Variants in CCSER1 observed in about 807,000 individuals in gnomAD.
CCSER1 encodes the protein serine-rich coiled-coil domain-containing protein 1.
Under a neutral mutation model 82.0 loss-of-function variants are expected in CCSER1, and 41 were observed. The ratio of observed to expected loss-of-function variants is 0.50; its 90% CI spans 0.39 to 0.65. CCSER1 has a LOEUF of 0.65. Among genes scored for constraint, CCSER1 ranks in the 30% least tolerant of loss-of-function variants. CCSER1 has a pLI of 0.00. For missense variants in CCSER1, 1,119 were observed against 1,064.2 expected, an observed-to-expected ratio of 1.05 and a Z score of -0.72; for synonymous variants, 414 against 383.9, an observed-to-expected ratio of 1.08 and a Z score of -0.92.
At chr4:91,448,283 CATT>C (rs1755682471) in intron 10 of CCSER1, among the ~76,000 whole-genome samples, 1 of 152,080 alleles carries the variant, frequency 6.6e-6, no homozygotes, top group South Asian at 2.1e-4. Flanking sequence ...AGCACACACA[CATT>C]ATTCTTCACA....
At chr4:91,507,160 T>C (rs541142832) in intron 10 of CCSER1, among the ~76,000 whole-genome samples, 1 of 152,178 alleles carries the variant, frequency 6.6e-6, no homozygotes, top group Non-Finnish European at 1.5e-5. Context: ...TAGAAATCCA[T>C]GATCACATGG....
rs375826026 is a variant in CCSER1 at position 90,436,190 on chromosome 4, A to T, written c.1604-32044A>T. Among the ~76,000 whole-genome samples the T allele has an allele frequency of 3.9e-4, 60 of 152,276 alleles. No individual in the cohort carries two copies. The East Asian group carries it at 4.0e-3, about 10-fold the overall frequency. ...TAGGGTTGTGTTTTTACTTAGGTAT[A>T]CTAGCATAATCAGTTATATTTAAGT... On this transcript the variant is annotated intron_variant, in intron 4 of 10. Transcript: ENST00000509176.
chr4:91,204,633 T>G (rs542087076), intron 10 of CCSER1, among the ~76,000 whole-genome samples: 8 of 151,650 alleles, frequency 5.3e-5, no homozygotes, highest in Non-Finnish European at 8.9e-5. Context: ...TGCAAGTAAA[T>G]AAACTGAAAA....
chr4:90,843,312 C>CTACGGATT (rs957817888), intron 8 of CCSER1, among the ~76,000 whole-genome samples: 16 of 151,968 alleles, frequency 1.1e-4, no homozygotes, highest in African/African-American at 3.9e-4. Flanking sequence ...AATGTAATTC[C>CTACGGATT]TACGGATTTT....
chr4:91,295,436 T>C (rs1744080814), intron 10 of CCSER1, among the ~76,000 whole-genome samples: 1 of 152,038 alleles, frequency 6.6e-6, no homozygotes, highest in East Asian at 1.9e-4. Context: ...ACCATAAAGA[T>C]TTTGAGTACA....
chr4:90,185,881 T>G (rs1262996892), intron 1 of CCSER1, among the ~76,000 whole-genome samples: 1 of 152,066 alleles, frequency 6.6e-6, no homozygotes, highest in Non-Finnish European at 1.5e-5. Flanking sequence ...ACTACATCCC[T>G]CATTAGAGAC....
intron 1 of CCSER1, among the ~76,000 whole-genome samples, chr4:90,162,479 G>C (rs1835519): frequency 0.28 from 42,804 of 151,734 alleles, 7,593 homozygotes; most frequent in East Asian, 0.64. Context: ...TTATCCCACT[G>C]TATGTAAAAG....
chr4:90,998,254 A>G (rs1198462881), intron 9 of CCSER1, among the ~76,000 whole-genome samples: 2 of 151,926 alleles, frequency 1.3e-5, no homozygotes, highest in African/African-American at 4.8e-5. Flanking sequence ...CTAATTTTGT[A>G]TTTTTAGTAG....
chr4:90,463,360 A>G (rs1763183595), intron 4 of CCSER1, among the ~76,000 whole-genome samples: 1 of 152,222 alleles, frequency 6.6e-6, no homozygotes, highest in Admixed American at 6.5e-5. Context: ...CATGAGGACT[A>G]GCGAGAAATA....
chr4:90,967,116 T>C (rs1040389067), intron 9 of CCSER1, among the ~76,000 whole-genome samples: 1 of 152,012 alleles, frequency 6.6e-6, no homozygotes, highest in African/African-American at 2.4e-5. Context: ...ACCAATTGAT[T>C]TTCAACAAGT....
intron 9 of CCSER1, among the ~76,000 whole-genome samples, chr4:91,030,163 T>C (rs979724507): frequency 1.6e-4 from 24 of 152,002 alleles, no homozygotes; most frequent in South Asian, 4.1e-4. Flanking sequence ...AATTGCAGAA[T>C]TGGGAATTAC....
chr4:90,953,127 G>A (rs982876780), intron 9 of CCSER1, among the ~76,000 whole-genome samples: 1 of 151,874 alleles, frequency 6.6e-6, no homozygotes, highest in Non-Finnish European at 1.5e-5. Context: ...TGACATCCAT[G>A]TGTTATGTTC....
At position 91,477,591 on chromosome 4, in the gene CCSER1, G is replaced by A. The variant is rs192322482; in HGVS notation, c.2218-120981G>A. On this transcript the variant is annotated intron_variant, in intron 10 of 10. Coordinates refer to ENST00000509176, the MANE Select transcript of CCSER1 (RefSeq NM_001145065.2). ...GCCTATAATCTAATTTTCAAAAGTA[G>A]TTTTCAAGTACTTTTTCACATGTAT... Among the ~76,000 whole-genome samples the A allele has an allele frequency of 2.0e-5, 3 of 151,638 alleles. No homozygotes were observed. In the East Asian group the frequency reaches 5.8e-4, roughly 29 times the overall value.
chr4:90,347,323 A>G (rs1742531062), intron 3 of CCSER1, among the ~76,000 whole-genome samples: 1 of 151,690 alleles, frequency 6.6e-6, no homozygotes, highest in Non-Finnish European at 1.5e-5. Context: ...CTATCTATCT[A>G]TCTATCTATC....
chr4:91,500,644 C>G (rs1277500884), intron 10 of CCSER1, among the ~76,000 whole-genome samples: 3 of 151,932 alleles, frequency 2.0e-5, no homozygotes, highest in African/African-American at 7.2e-5. Context: ...TTCAGAATAA[C>G]TGATTATAAA....
rs560008737 is a variant in CCSER1, at chr4:91,125,751, G to A, written c.2217+39757G>A. Among the ~76,000 whole-genome samples the A allele has an allele frequency of 7.3e-5, 11 of 151,178 alleles. No individual in the cohort carries two copies. In the East Asian group the frequency reaches 1.9e-3, roughly 27 times the overall value. ...GGTATACATTTTCAACTTTAACACC[G>A]AAAAAAATGAGAATTATTGTACATA... On this transcript the variant is annotated intron_variant, in intron 10 of 10. Coordinates refer to ENST00000509176, the MANE Select transcript of CCSER1 (RefSeq NM_001145065.2).
At chr4:91,249,157 A>T (rs1740054561) in intron 10 of CCSER1, among the ~76,000 whole-genome samples, 1 of 152,216 alleles carries the variant, frequency 6.6e-6, no homozygotes, top group South Asian at 2.1e-4. Flanking sequence ...AACATCTGAA[A>T]ATTCGGGGTG....
chr4:91,288,361 T>C lies in CCSER1; in HGVS notation c.2217+202367T>C, dbSNP rs1743482030. ...ACACGGCAACCAACTAACCTGTACA[T>C]AAGTAAAGATAGATACTGACAAGGT... On this transcript the variant is annotated intron_variant, in intron 10 of 10. Transcript: ENST00000509176. Among the ~76,000 whole-genome samples, 3 of 151,682 alleles carry C rather than the reference T, an allele frequency of 2.0e-5. No individual in the cohort carries two copies. In the Admixed American group the frequency reaches 2.0e-4, roughly 10 times the overall value.
At chr4:90,732,143 G>A (rs1353274868) in intron 7 of CCSER1, among the ~76,000 whole-genome samples, 1 of 151,018 alleles carries the variant, frequency 6.6e-6, no homozygotes, top group African/African-American at 2.4e-5. Context: ...CAACATGCTG[G>A]TTTTGGATAA....
Sources: allele counts gnomAD v4.1 joint callset (sites outside exome capture counted in the v4.1 genomes callset), GRCh38; gene constraint gnomAD v4.1.1; transcripts MANE v1.5; gene names NCBI Gene and HGNC (gene_info 2026-07-23, HGNC 2026-07-21).